TFDP1: variants seen among roughly 807,000 people sequenced by gnomAD.
The protein encoded by TFDP1 is transcription factor Dp-1.
Under a neutral mutation model 48.0 loss-of-function variants are expected in TFDP1, and 6 were observed. The observed-to-expected ratio is 0.13, with a 90% CI of 0.07 to 0.25. TFDP1 has a LOEUF of 0.25. TFDP1 is among the 10% of genes least tolerant of loss of function. TFDP1 has a pLI of 1.00. For missense variants in TFDP1, 335 were observed against 543.0 expected (o/e 0.62, Z 3.81); for synonymous variants, 201 against 211.6 (o/e 0.95, Z 0.44).
chr13:113,616,216 AAAAAG>A (rs1228121622), intron 3 of TFDP1, among the ~76,000 whole-genome samples: 2 of 141,830 alleles, frequency 1.4e-5, no homozygotes, highest in South Asian at 2.2e-4. Context: ...AAAAAAAAAA[AAAAAG>A]AGTAAGTGTG....
At chr13:113,604,414 G>A (rs188334554) in intron 2 of TFDP1, among the ~76,000 whole-genome samples, 9 of 152,328 alleles carry the variant, frequency 5.9e-5, no homozygotes, top group Admixed American at 5.2e-4. Flanking sequence ...TAAAGTGTCA[G>A]TAGAGACCCA....
intron 10 of TFDP1, 34 bp downstream of exon 10, chr13:113,636,734 G>T: frequency 6.2e-7 from 1 of 1,603,436 alleles, no homozygotes. Context: ...GCGTGGCTGT[G>T]TGAGGAATGG....
At chr13:113,609,961 C>T (rs140657992) in intron 2 of TFDP1, among the ~76,000 whole-genome samples, 1 of 152,212 alleles carries the variant, frequency 6.6e-6, no homozygotes, top group Non-Finnish European at 1.5e-5. Context: ...GCTTTTCCTT[C>T]GCAGAGCCCG....
chr13:113,629,720 A>C (rs567516290), intron 4 of TFDP1, among the ~76,000 whole-genome samples: 1 of 152,310 alleles, frequency 6.6e-6, no homozygotes, highest in Admixed American at 6.5e-5. Context: ...TTTTCAGCTC[A>C]TGCGGGTTTA....
chr13:113,586,415 A>T (rs1277448253), intron 2 of TFDP1, among the ~76,000 whole-genome samples: 1 of 152,184 alleles, frequency 6.6e-6, no homozygotes, highest in Non-Finnish European at 1.5e-5. Flanking sequence ...CCTGCTTTGC[A>T]GTTGTCATGA....
chr13:113,610,935 A>G lies in TFDP1; in HGVS notation c.13-61A>G, dbSNP rs577378317. ...AGAACCCTTGAGGGTGGTTTTAAAC[A>G]CCCCTAGTTTCGTAGCCCTTTTAGC... is the stretch of plus-strand genomic sequence containing the variant. On this transcript the variant is annotated intron_variant, in intron 2 of 11. Transcript: ENST00000375370. The G allele has an allele frequency of 5.4e-5, 82 of 1,517,488 alleles. 1 individual carries two copies. The Middle Eastern group carries it at 1.1e-3, about 21-fold the overall frequency. The allele number at this position is 1,517,488 out of a possible 1,614,324, so 94.0% of individuals were successfully genotyped here. A position where few individuals can be genotyped will look rare whatever the true frequency, so the allele number is the denominator to read the frequency against.
intron 8 of TFDP1, among the ~76,000 whole-genome samples, chr13:113,635,647 A>C (rs2049464678): frequency 6.6e-6 from 1 of 152,184 alleles, no homozygotes; most frequent in Non-Finnish European, 1.5e-5. Context: ...CCATGGTGGT[A>C]GGTGGTCTTA....
rs561813474 is a variant in TFDP1, at chr13:113,586,369, C to T, written c.12+520C>T. Among the ~76,000 whole-genome samples the T allele has an allele frequency of 9.2e-5, 14 of 152,224 alleles. No homozygotes were observed. The South Asian group carries it at 1.0e-3, about 11-fold the overall frequency. On this transcript the variant is annotated intron_variant, in intron 2 of 11. Transcript: ENST00000375370. Reference sequence around the variant, plus strand: ...TTTTTTTCTCAGAAGGATGAGATTTCCTGATTTATGAAATCTGGTAAAAAA... The same window carrying T: ...TTTTTTTCTCAGAAGGATGAGATTTTCTGATTTATGAAATCTGGTAAAAAA...
chr13:113,620,568 C>G (rs1260373802), intron 3 of TFDP1, among the ~76,000 whole-genome samples: 1 of 152,188 alleles, frequency 6.6e-6, no homozygotes, highest in Non-Finnish European at 1.5e-5. Flanking sequence ...TGTTTAATTG[C>G]GTACTTTAAA....
chr13:113,611,925 G>A (rs536163537), intron 3 of TFDP1, among the ~76,000 whole-genome samples: 2 of 152,340 alleles, frequency 1.3e-5, no homozygotes, highest in African/African-American at 2.4e-5. Flanking sequence ...ACATCCACGT[G>A]GTCGCATCAG....
intron 3 of TFDP1, among the ~76,000 whole-genome samples, chr13:113,621,743 A>T (rs898989418): frequency 6.6e-6 from 1 of 152,228 alleles, no homozygotes; most frequent in Non-Finnish European, 1.5e-5. Flanking sequence ...GTCTAGCGGT[A>T]GCCTCAGTGT....
At position 113,640,236 on chromosome 13, in the gene TFDP1, A is replaced by G; in HGVS notation, c.1202A>G (p.Asp401Gly). ...SYVGEDDEED[D>G]DFNENDEDD ...GTCGGGGAGGACGACGAGGAGGACG[A>G]TGACTTCAACGAGAATGACGAGGAC... The change falls in exon 12 of 12, where the codon GAT becomes GGT. Residue 401 changes from aspartate to glycine, a missense_variant. Around this residue, in one of 3 missense-constraint regions of TFDP1, gnomAD observed 204 missense variants for 287.1 expected, o/e 0.71. Transcript: ENST00000375370. The G allele has an allele frequency of 6.2e-7, 1 of 1,613,550 alleles. No individual in the cohort carries two copies. The highest frequency in any genetic ancestry group is 8.5e-7 in the Non-Finnish European group (1 of 1,179,774).
Position 113,634,326 on chromosome 13 carries a change from G to C in TFDP1, c.619-208G>C, listed in dbSNP as rs75554354. On this transcript the variant is annotated intron_variant, in intron 7 of 11. Transcript: ENST00000375370. ...TACCATAGTTAAATCCAAGAAATGA[G>C]AGGAAAGGGGAGAAGGTATAGTTTA... 5 of 631,856 alleles carry C rather than the reference G, an allele frequency of 7.9e-6. No individual in the cohort carries two copies. In the East Asian group the frequency reaches 1.4e-4, roughly 17 times the overall value. 39.1% of individuals were successfully genotyped at this position (631,856 alleles called of 1,614,324 possible).
chr13:113,631,767 TTAGAGTTG>T (rs1476710575), intron 5 of TFDP1, 23 bp downstream of exon 5: 1 of 1,612,718 alleles, frequency 6.2e-7, no homozygotes, highest in Admixed American at 1.7e-5. Flanking sequence ...CTCTGGACCC[TTAGAGTTG>T]TAGGACTGCT....
At chr13:113,631,933 T>A (rs2049347892) in intron 5 of TFDP1, 189 bp downstream of exon 5, 1 of 763,746 alleles carries the variant, frequency 1.3e-6, no homozygotes, top group African/African-American at 1.8e-5. Flanking sequence ...ACTGCCTCGG[T>A]CATGGAGAAG....
chr13:113,616,630 A>C (rs773075452), intron 3 of TFDP1, among the ~76,000 whole-genome samples: 1 of 152,060 alleles, frequency 6.6e-6, no homozygotes, highest in Non-Finnish European at 1.5e-5. Context: ...CTTCAATCTC[A>C]TATCTGTCGG....
chr13:113,629,953 G>A (rs1280275319), intron 4 of TFDP1, among the ~76,000 whole-genome samples: 1 of 152,228 alleles, frequency 6.6e-6, no homozygotes, highest in African/African-American at 2.4e-5. Flanking sequence ...CCCTGTACCT[G>A]TGCGTGTGGT....
At chr13:113,592,385 G>C (rs866333640) in intron 2 of TFDP1, among the ~76,000 whole-genome samples, 2 of 152,222 alleles carry the variant, frequency 1.3e-5, no homozygotes, top group Admixed American at 6.5e-5. Context: ...TTGAACTCCC[G>C]ACCTCAGGTG....
At position 113,633,891 on chromosome 13, in the gene TFDP1, C is replaced by G. The variant is rs1170490489; in HGVS notation, c.476C>G (p.Ala159Gly). 1 of 1,610,572 alleles carries G rather than the reference C, an allele frequency of 6.2e-7. No homozygotes were observed. Among genetic ancestry groups the G allele is most frequent in the South Asian group, 1.1e-5 (1 of 90,666 alleles). ...AACTCCACTCCCTGTCATCCCCAGG[C>G]TTATGACCAGAAAAACATAAGACGG... is the stretch of plus-strand genomic sequence containing the variant. ...ADNHILPNESAYDQKNIRRRV... is the reference protein window; with the variant it reads ...ADNHILPNESGYDQKNIRRRV... The change falls in exon 7 of 12, where the codon GCT becomes GGT. Residue 159 changes from alanine (A) to glycine (G), a missense_variant and splice_region_variant. Ala to Gly is a moderately conservative substitution (Grantham distance 60). Around this residue, in one of 3 missense-constraint regions of TFDP1, gnomAD observed 28 missense variants for 115.5 expected, o/e 0.24. Coordinates refer to ENST00000375370, the MANE Select transcript of TFDP1 (RefSeq NM_007111.5). The surrounding 1 kb of genome is among the most constrained non-coding windows in gnomAD (Gnocchi z 4.5).
Sources: allele counts gnomAD v4.1 joint callset (sites outside exome capture counted in the v4.1 genomes callset), GRCh38; gene constraint gnomAD v4.1.1; regional missense constraint gnomAD v4.1.1; non-coding constraint Gnocchi (gnomAD v3.1); transcripts MANE v1.5; gene names NCBI Gene and HGNC (gene_info 2026-07-23, HGNC 2026-07-21).